Variants in EHBP1 observed in about 807,000 individuals in gnomAD.
EHBP1 encodes the protein EH domain-binding protein 1.
Under a neutral mutation model 144.0 loss-of-function variants are expected in EHBP1, and 55 were observed. The observed-to-expected ratio is 0.38, with a 90% CI of 0.31 to 0.48. The LOEUF is 0.48. EHBP1 is among the 20% of genes least tolerant of loss of function. The pLI is 0.98. For synonymous variants in EHBP1, 469 were observed against 472.7 expected (o/e 0.99, Z 0.10); for missense variants, 1,200 against 1,364.2 (o/e 0.88, Z 1.90).
chr2:63,002,879 C>T (rs1053280212), intron 19 of EHBP1, among the ~76,000 whole-genome samples: 2 of 151,978 alleles, frequency 1.3e-5, no homozygotes, highest in Non-Finnish European at 2.9e-5. Context: ...CTCATAGATA[C>T]TGAGTTAGTA....
At chr2:62,687,802 A>T (rs2033768447) in intron 1 of EHBP1, among the ~76,000 whole-genome samples, 1 of 152,202 alleles carries the variant, frequency 6.6e-6, no homozygotes, top group Non-Finnish European at 1.5e-5. Flanking sequence ...GATCAAGGAG[A>T]CAAGAGTTAG....
intron 14 of EHBP1, among the ~76,000 whole-genome samples, chr2:62,961,030 C>T (rs1185704079): frequency 1.3e-5 from 2 of 152,194 alleles, no homozygotes; most frequent in Non-Finnish European, 2.9e-5. Context: ...CACTACAAAA[C>T]ATTCCCTTCC....
At position 62,947,686 on chromosome 2, in the gene EHBP1, A is replaced by G. The variant is rs571010040; in HGVS notation, c.1414-574A>G. ...AATACAATGCAGCCTCACATTCTCA[A>G]CTAGGTTGTAGTACTCAAAACATTT... On this transcript the variant is annotated intron_variant, in intron 12 of 22. Coordinates refer to ENST00000431489, the MANE Select transcript of EHBP1 (RefSeq NM_001142616.3). Among the ~76,000 whole-genome samples the G allele has an allele frequency of 7.2e-5, 11 of 152,316 alleles. No individual in the cohort carries two copies. In the South Asian group the frequency reaches 2.3e-3, roughly 32 times the overall value.
At position 62,948,600 on chromosome 2, in the gene EHBP1, G is replaced by C; in HGVS notation, c.1754G>C (p.Gly585Ala). Reference protein sequence around the residue: ...QDDSVFVNDSGVGESESEHQT... With the variant: ...QDDSVFVNDSAVGESESEHQT... Reference sequence around the variant, plus strand: ...GACTCTGTATTTGTAAATGATAGCGGGGTTGGAGAGTCAGAAAGTGAGCAT... The same window carrying C: ...GACTCTGTATTTGTAAATGATAGCGCGGTTGGAGAGTCAGAAAGTGAGCAT... The change falls in exon 13 of 23, where the codon GGG becomes GCG. Residue 585 changes from glycine to alanine, a missense_variant. Physicochemically the swap from Gly to Ala is moderately conservative, Grantham distance 60. Around this residue, in one of 6 missense-constraint regions of EHBP1, gnomAD observed 543 missense variants for 513.1 expected, o/e 1.06. Coordinates refer to ENST00000431489, the MANE Select transcript of EHBP1 (RefSeq NM_001142616.3). 6.2e-7 allele frequency: 1 copy of C among 1,613,914 alleles called. No individual in the cohort carries two copies. Among genetic ancestry groups the C allele is most frequent in the Non-Finnish European group, 8.5e-7 (1 of 1,179,980 alleles).
chr2:62,915,626 C>G (rs897651845), intron 10 of EHBP1, among the ~76,000 whole-genome samples: 12 of 151,722 alleles, frequency 7.9e-5, no homozygotes, highest in African/African-American at 2.9e-4. Context: ...TTGATATAAC[C>G]ATAATCAAAA....
At chr2:62,732,078 A>G (rs553627997) in intron 2 of EHBP1, among the ~76,000 whole-genome samples, 2 of 152,106 alleles carry the variant, frequency 1.3e-5, no homozygotes, top group African/African-American at 4.8e-5. Flanking sequence ...GTTTTACCTA[A>G]TTTACATGAT....
At chr2:62,681,818 C>T (rs74936098) in intron 1 of EHBP1, among the ~76,000 whole-genome samples, 3 of 152,086 alleles carry the variant, frequency 2.0e-5, no homozygotes, top group Non-Finnish European at 2.9e-5. Context: ...GAGTGAAGCA[C>T]CTGAGTGTAT....
chr2:63,007,603 A>G (rs1249112120), intron 19 of EHBP1, among the ~76,000 whole-genome samples: 2 of 151,780 alleles, frequency 1.3e-5, no homozygotes, highest in Non-Finnish European at 3.0e-5. Context: ...TGCCATGTAC[A>G]GTATAAATAC....
intron 10 of EHBP1, among the ~76,000 whole-genome samples, chr2:62,895,789 AG>A (rs1266018082): frequency 2.0e-5 from 3 of 152,182 alleles, no homozygotes; most frequent in Non-Finnish European, 2.9e-5. Flanking sequence ...TTTAGTTAGA[AG>A]AGAGAAGACT....
At chr2:62,798,799 T>A (rs2043748835) in intron 5 of EHBP1, among the ~76,000 whole-genome samples, 1 of 151,776 alleles carries the variant, frequency 6.6e-6, no homozygotes, top group Admixed American at 6.6e-5. Context: ...GGTCAGGAGT[T>A]CAAGACCAGC....
At chr2:62,840,891 G>A (rs555817698) in intron 7 of EHBP1, among the ~76,000 whole-genome samples, 8 of 152,192 alleles carry the variant, frequency 5.3e-5, no homozygotes, top group Admixed American at 4.6e-4. Context: ...CACTGTTGGT[G>A]GGACTGTAAA....
chr2:62,874,769 A>G lies in EHBP1; in HGVS notation c.1185+237A>G, dbSNP rs375718292. ...TTTTAAAATGCTATTTTGAAATGAGAGGAAGAAAGGTCTTATAATTGTAAG... is the reference window on the plus strand; with the variant it reads ...TTTTAAAATGCTATTTTGAAATGAGGGGAAGAAAGGTCTTATAATTGTAAG... On this transcript the variant is annotated intron_variant, in intron 10 of 22. Transcript: ENST00000431489. 1.2e-4 allele frequency among the ~76,000 whole-genome samples: 19 copies of G among 152,268 alleles called. 1 individual carries two copies. In the East Asian group the frequency reaches 1.9e-3, roughly 15 times the overall value.
At chr2:62,813,920 T>C (rs1457071944) in intron 5 of EHBP1, among the ~76,000 whole-genome samples, 4 of 152,214 alleles carry the variant, frequency 2.6e-5, no homozygotes, top group Non-Finnish European at 5.9e-5. Flanking sequence ...ATTTGCCTTA[T>C]AGTGAATCAT....
intron 6 of EHBP1, among the ~76,000 whole-genome samples, chr2:62,830,046 G>A (rs1238742072): frequency 1.3e-5 from 2 of 150,728 alleles, no homozygotes; most frequent in Non-Finnish European, 2.9e-5. Context: ...CACATGCAAT[G>A]TTTATAGTGG....
At chr2:62,940,343 G>T (rs775751289) in intron 10 of EHBP1, 3 of 206,104 alleles carry the variant, frequency 1.5e-5, no homozygotes, top group African/African-American at 7.0e-5. Flanking sequence ...TAAGAGGTCA[G>T]TATGGTTCAA....
At chr2:62,803,702 T>C (rs1045216158) in intron 5 of EHBP1, among the ~76,000 whole-genome samples, 4 of 152,260 alleles carry the variant, frequency 2.6e-5, no homozygotes, top group African/African-American at 7.2e-5. Flanking sequence ...TTGCTTGTTA[T>C]ATATCTTGCA....
intron 14 of EHBP1, among the ~76,000 whole-genome samples, chr2:62,957,596 A>G (rs1413924136): frequency 6.6e-6 from 1 of 151,716 alleles, no homozygotes; most frequent in African/African-American, 2.4e-5. Flanking sequence ...ATTCCCCCAA[A>G]ATTACAAGAT....
intron 10 of EHBP1, among the ~76,000 whole-genome samples, chr2:62,902,686 T>C (rs1438363624): frequency 6.6e-6 from 1 of 152,182 alleles, no homozygotes; most frequent in Non-Finnish European, 1.5e-5. Flanking sequence ...AATTATTCTG[T>C]TAGGTTATAA....
At chr2:62,884,743 G>C (rs1241211541) in intron 10 of EHBP1, among the ~76,000 whole-genome samples, 5 of 152,312 alleles carry the variant, frequency 3.3e-5, no homozygotes, top group Non-Finnish European at 7.3e-5. Context: ...AGTAGTACAG[G>C]ACTTACTCAT....
Sources: gnomAD v4.1 joint callset for allele counts (sites outside exome capture counted in the v4.1 genomes callset) on GRCh38, gnomAD v4.1.1 for gene constraint, gnomAD v4.1.1 regional missense constraint, MANE v1.5 for transcripts, NCBI Gene and HGNC (gene_info 2026-07-23, HGNC 2026-07-21) for gene names.